PCSK5: variants seen among roughly 807,000 people sequenced by gnomAD.
PCSK5 encodes the protein proprotein convertase subtilisin/kexin type 5, also known as prohormone convertase 5.
Under a neutral mutation model 233.2 loss-of-function variants are expected in PCSK5, and 129 were observed. That is an observed-to-expected ratio of 0.55 (90% CI 0.48 to 0.64). The LOEUF (loss-of-function observed/expected upper bound fraction) is 0.64, where lower values mean the gene tolerates loss of function less well. Among genes scored for constraint, PCSK5 ranks in the 30% least tolerant of loss-of-function variants. The pLI is 0.00. For missense variants in PCSK5, 2,076 were observed against 2,430.1 expected (o/e 0.85, Z 3.06); for synonymous variants, 825 against 879.2 (o/e 0.94, Z 1.09).
At chr9:76,186,173 T>C (rs1026356473) in intron 17 of PCSK5, among the ~76,000 whole-genome samples, 4 of 152,226 alleles carry the variant, frequency 2.6e-5, no homozygotes, top group Admixed American at 2.0e-4. Context: ...TTCATTCTTT[T>C]TCATTGTTGT....
At chr9:76,277,230 CAAT>C (rs1260384862) in intron 24 of PCSK5, among the ~76,000 whole-genome samples, 1 of 151,944 alleles carries the variant, frequency 6.6e-6, no homozygotes, top group Non-Finnish European at 1.5e-5. Flanking sequence ...ATCTCAAAAA[CAAT>C]AATAATAATA....
At chr9:76,220,837 T>C (rs919322088) in intron 20 of PCSK5, among the ~76,000 whole-genome samples, 1 of 152,212 alleles carries the variant, frequency 6.6e-6, no homozygotes, top group Admixed American at 6.5e-5. Flanking sequence ...CTAGTCACCA[T>C]GTTGTACCAT....
At chr9:75,912,381 G>A (rs1437768920) in intron 1 of PCSK5, among the ~76,000 whole-genome samples, 2 of 152,194 alleles carry the variant, frequency 1.3e-5, no homozygotes, top group African/African-American at 4.8e-5. Flanking sequence ...AAGATGGGCT[G>A]GAGAGGCAAT....
chr9:75,958,077 G>A (rs1214961198), intron 2 of PCSK5, among the ~76,000 whole-genome samples: 1 of 152,134 alleles, frequency 6.6e-6, no homozygotes, highest in African/African-American at 2.4e-5. Flanking sequence ...AACAATGTCT[G>A]CCCTATCTAT....
rs760433238 is a variant in PCSK5, at chr9:76,345,495, G to C, written c.4967-5333G>C. ...GTGCAGTGGCGCAATCTTGGTTTAC[G>C]GCAAGCTCTGCCTCCCGGGTTCACG... On this transcript the variant is annotated intron_variant, in intron 35 of 37. Transcript: ENST00000674117. Among the ~76,000 whole-genome samples, 10 of 151,442 alleles carry C rather than the reference G, an allele frequency of 6.6e-5. No individual in the cohort carries two copies. The Middle Eastern group carries it at 0.021, about 311-fold the overall frequency.
At chr9:76,188,250 GTCAA>G (rs1824196429) in intron 17 of PCSK5, among the ~76,000 whole-genome samples, 1 of 152,280 alleles carries the variant, frequency 6.6e-6, no homozygotes, top group East Asian at 1.9e-4. Flanking sequence ...TGATTGTTTT[GTCAA>G]TCAAATACTT....
intron 10 of PCSK5, among the ~76,000 whole-genome samples, chr9:76,138,050 T>A (rs542392689): frequency 4.6e-5 from 7 of 152,246 alleles, no homozygotes; most frequent in African/African-American, 1.4e-4. Flanking sequence ...TAATGGATGT[T>A]ATCTCTTCAT....
chr9:75,925,987 A>G (rs1480798259), intron 1 of PCSK5, among the ~76,000 whole-genome samples: 1 of 152,058 alleles, frequency 6.6e-6, no homozygotes, highest in Non-Finnish European at 1.5e-5. Context: ...GAGTATTGGG[A>G]AGAGGTTCGT....
intron 3 of PCSK5, among the ~76,000 whole-genome samples, chr9:76,000,506 A>G (rs1178262269): frequency 6.6e-6 from 1 of 152,062 alleles, no homozygotes; most frequent in Admixed American, 6.5e-5. Context: ...TTTCTTCTTC[A>G]TTTACTCGCT....
intron 25 of PCSK5, among the ~76,000 whole-genome samples, chr9:76,293,430 C>A (rs367837308): frequency 9.6e-4 from 146 of 152,276 alleles, no homozygotes; most frequent in African/African-American, 3.2e-3. Context: ...CACTCCTGAC[C>A]CACTTTGTTT....
intron 24 of PCSK5, among the ~76,000 whole-genome samples, chr9:76,275,680 C>T (rs574161433): frequency 6.6e-6 from 1 of 152,324 alleles, no homozygotes; most frequent in African/African-American, 2.4e-5. Flanking sequence ...CTGCCTCGGC[C>T]TCCCAAAATG....
At chr9:76,179,259 TA>T (rs1335115657) in intron 14 of PCSK5, among the ~76,000 whole-genome samples, 2 of 152,216 alleles carry the variant, frequency 1.3e-5, no homozygotes, top group Non-Finnish European at 2.9e-5. Flanking sequence ...CTATTACACA[TA>T]CTTAATTGCA....
intron 1 of PCSK5, among the ~76,000 whole-genome samples, chr9:75,903,282 A>G (rs1826120519): frequency 6.6e-6 from 1 of 152,096 alleles, no homozygotes; most frequent in African/African-American, 2.4e-5. Context: ...AGATTGCTCT[A>G]TATAATAGAT....
chr9:76,091,291 C>T (rs2153226), intron 7 of PCSK5, among the ~76,000 whole-genome samples: 6,121 of 151,606 alleles, frequency 0.04, 158 homozygotes, highest in South Asian at 0.07. Context: ...TTTACATAGC[C>T]TTGCTTCTGT....
intron 24 of PCSK5, chr9:76,287,901 C>G (rs138162497): frequency 3.7e-5 from 7 of 187,022 alleles, no homozygotes; most frequent in Non-Finnish European, 7.0e-5. Context: ...TGCATGTGGG[C>G]CCCAGGGCAC....
chr9:76,308,590 A>G, intron 28 of PCSK5, 55 bp from the exon 29 acceptor site: 3 of 982,770 alleles, frequency 3.1e-6, no homozygotes, highest in Non-Finnish European at 4.9e-6. Context: ...CAGTACTGGA[A>G]TCCTATGTGC....
intron 20 of PCSK5, among the ~76,000 whole-genome samples, chr9:76,210,464 C>T (rs1825289335): frequency 6.6e-6 from 1 of 152,204 alleles, no homozygotes; most frequent in African/African-American, 2.4e-5. Flanking sequence ...ACACTCTCCC[C>T]TGTAAGTTTG....
In PCSK5 at chr9:76,134,230, A is replaced by C; in HGVS notation, c.1312+18A>C. The C allele has an allele frequency of 7.0e-7, 1 of 1,420,528 alleles. No homozygotes were observed. The highest frequency in any genetic ancestry group is 9.8e-7 in the Non-Finnish European group (1 of 1,019,494). 88.0% of individuals were successfully genotyped at this position (1,420,528 alleles called of 1,614,324 possible). A position where few individuals can be genotyped will look rare whatever the true frequency, so the allele number is the denominator to read the frequency against. On this transcript the variant is annotated intron_variant, in intron 10 of 37. Transcript: ENST00000674117. The stretch of plus-strand genomic sequence containing the variant: ...TTTTAAGGGTGAGAACTTCTTTCAT[A>C]TTCTGTCACAGGCAAAATATTTTTA...
chr9:76,242,871 A>G (rs1826473609), intron 24 of PCSK5, among the ~76,000 whole-genome samples: 1 of 152,204 alleles, frequency 6.6e-6, no homozygotes, highest in South Asian at 2.1e-4. Flanking sequence ...AGAGTGGGGC[A>G]AGTCTACCCA....
Sources: allele counts gnomAD v4.1 joint callset (sites outside exome capture counted in the v4.1 genomes callset), GRCh38; gene constraint gnomAD v4.1.1; transcripts MANE v1.5; gene names NCBI Gene and HGNC (gene_info 2026-07-23, HGNC 2026-07-21).